The following NDUFS1 variants were observed in gnomAD, a reference collection of about 807,000 sequenced individuals.
NDUFS1 encodes NADH-ubiquinone oxidoreductase 75 kDa subunit, mitochondrial.
NDUFS1 carries 61 observed loss-of-function variants against 84.4 expected under a neutral mutation model. The observed-to-expected ratio is 0.72, with a 90% confidence interval of 0.59 to 0.89. The LOEUF (loss-of-function observed/expected upper bound fraction) is 0.89. Among genes scored for constraint, NDUFS1 ranks in the 40% least tolerant of loss-of-function variants. The pLI, the probability that NDUFS1 is intolerant of heterozygous loss-of-function variation, is 0.00. For synonymous variants in NDUFS1, 275 were observed against 290.0 expected (o/e 0.95, Z 0.53); for missense variants, 891 against 890.0 (o/e 1.00, Z -0.01).
chr2:206,124,575 C>T (rs1691213174), intron 18 of NDUFS1, among the ~76,000 whole-genome samples: 1 of 152,108 alleles, frequency 6.6e-6, no homozygotes, highest in Non-Finnish European at 1.5e-5. Flanking sequence ...CGCGGTGGCT[C>T]ACACCTGTAA....
chr2:206,124,273 G>C lies in NDUFS1; in HGVS notation c.2096C>G (p.Ser699Ter). 1 of 1,604,540 alleles carries C rather than the reference G, an allele frequency of 6.2e-7. No individual in the cohort carries two copies. The highest frequency in any genetic ancestry group is 8.5e-7 in the Non-Finnish European group (1 of 1,171,388). Residue 699 changes from serine (S) to a stop codon, truncating the protein, a stop_gained, in exon 19 of 19, where the codon TCA becomes TGA. Transcript: ENST00000233190. LOFTEE classifies it high-confidence loss of function. ...CATTGTCTGTGAGGCTCTGCTAATT[G>C]AATCTGAAAGATATTAAGAAAATGT... ...LTIKDFYMTD[S>*]ISRASQTMAK...
chr2:206,148,995 AC>A (rs1427135987), intron 5 of NDUFS1, 24 bp downstream of exon 5: 2 of 1,524,702 alleles, frequency 1.3e-6, no homozygotes, highest in Middle Eastern at 1.7e-4. Flanking sequence ...ATGAAAGGGT[AC>A]TACATTGAAT....
chr2:206,134,906 G>A (rs886462395), intron 13 of NDUFS1, among the ~76,000 whole-genome samples: 8 of 152,158 alleles, frequency 5.3e-5, no homozygotes, highest in African/African-American at 1.9e-4. Context: ...AAGCCCAGGA[G>A]TTTGAGGCTA....
At chr2:206,152,292 TTAATA>T in intron 3 of NDUFS1, 122 bp downstream of exon 3, 1 of 735,144 alleles carries the variant, frequency 1.4e-6, no homozygotes, top group Non-Finnish European at 2.3e-6. Flanking sequence ...TGAAATAATT[TTAATA>T]TAACTTTGCT....
chr2:206,124,329 C>T (rs1691199693), intron 18 of NDUFS1, 53 bp from the exon 19 acceptor site: 1 of 1,349,968 alleles, frequency 7.4e-7, no homozygotes. Context: ...TTAAAAAGCA[C>T]ATACTAAAAC....
chr2:206,158,969 A>G, intron 1 of NDUFS1: 3 of 990,536 alleles, frequency 3.0e-6, no homozygotes, highest in Admixed American at 2.3e-5. Context: ...ATCTGGGGGG[A>G]AAGGCTTAGT....
In NDUFS1 at chr2:206,122,002, C is replaced by T. The variant is rs2105937301; in HGVS notation, c.*2183G>A. On this transcript the variant is annotated 3_prime_UTR_variant, in exon 19 of 19. Coordinates refer to ENST00000233190, the MANE Select transcript of NDUFS1 (RefSeq NM_005006.7). ...ATGGGAAGTTTGTATTAAGTTCAAA[C>T]ACTTTTGGCAAGAATTTATACAATT... 6.6e-6 allele frequency: 1 copy of T among 152,286 alleles called. No individual in the cohort carries two copies. Among genetic ancestry groups the T allele is most frequent in the South Asian group, 2.1e-4 (1 of 4,826 alleles). The allele number at this position is 152,286 out of a possible 1,614,324, so 9.4% of individuals were successfully genotyped here.
At chr2:206,152,386 C>T in intron 3 of NDUFS1, 33 bp downstream of exon 3, 1 of 1,533,350 alleles carries the variant, frequency 6.5e-7, no homozygotes. Flanking sequence ...AAAATCAGAA[C>T]ACACACACAA....
intron 18 of NDUFS1, among the ~76,000 whole-genome samples, chr2:206,125,521 A>G (rs1254771109): frequency 2.0e-5 from 3 of 151,624 alleles, no homozygotes; most frequent in Non-Finnish European, 2.9e-5. Flanking sequence ...AATTACATAT[A>G]AATAACAATA....
At position 206,156,527 on chromosome 2, in the gene NDUFS1, A is replaced by C. The variant is rs562289994; in HGVS notation, c.-5+2814T>G. ...GTGTTCAAGGTTACAGTGAGCTACA[A>C]TCATGCCACTGCACTCCAGCCTGGG... is the stretch of plus-strand genomic sequence containing the variant. On this transcript the variant is annotated intron_variant, in intron 1 of 18. Transcript: ENST00000233190. Among the ~76,000 whole-genome samples the C allele has an allele frequency of 3.3e-5, 5 of 152,088 alleles. No homozygotes were observed. In the East Asian group the frequency reaches 7.7e-4, roughly 24 times the overall value.
intron 13 of NDUFS1, 106 bp downstream of exon 13, chr2:206,138,379 C>A: frequency 2.2e-6 from 3 of 1,357,702 alleles, no homozygotes; most frequent in Non-Finnish European, 3.1e-6. Flanking sequence ...CCGCGCCCAA[C>A]CTGGTGTAAG....
chr2:206,133,438 C>G (rs1691591455), intron 13 of NDUFS1, among the ~76,000 whole-genome samples: 2 of 152,184 alleles, frequency 1.3e-5, no homozygotes, highest in South Asian at 4.1e-4. Flanking sequence ...TCCAGAGATT[C>G]AGATGTTAAT....
chr2:206,134,543 T>C (rs372386782), intron 13 of NDUFS1, among the ~76,000 whole-genome samples: 5 of 151,202 alleles, frequency 3.3e-5, no homozygotes, highest in Non-Finnish European at 5.9e-5. Context: ...GACAGCACCA[T>C]TGCACTCCAG....
At position 206,148,137 on chromosome 2, in the gene NDUFS1, CTGGTCTCGAACTCCTGACCTCAA is replaced by C. The variant is rs560236729; in HGVS notation, c.339-326_339-304del. Reference sequence around the variant, plus strand: ...GCAGGGTTTCATCATGTTGGTCAGGCTGGTCTCGAACTCCTGACCTCAAGTGATCCTCCCGCCCTGGCGTCCCA... The same window carrying C: ...GCAGGGTTTCATCATGTTGGTCAGGCGTGATCCTCCCGCCCTGGCGTCCCA... On this transcript the variant is annotated intron_variant, in intron 5 of 18. Transcript: ENST00000233190. Among the ~76,000 whole-genome samples, 40 of 152,240 alleles carry C rather than the reference CTGGTCTCGAACTCCTGACCTCAA, an allele frequency of 2.6e-4. No homozygotes were observed. The South Asian group carries it at 8.1e-3, about 31-fold the overall frequency.
At chr2:206,140,502 T>C (rs746052296) in intron 12 of NDUFS1, among the ~76,000 whole-genome samples, 42 of 152,058 alleles carry the variant, frequency 2.8e-4, no homozygotes, top group Non-Finnish European at 4.9e-4. Flanking sequence ...TTTTTTGAGA[T>C]GGAGTGTTGC....
chr2:206,147,545 A>T lies in NDUFS1; in HGVS notation c.537T>A (p.Cys179Ter). The T allele has an allele frequency of 6.2e-7, 1 of 1,614,190 alleles. No homozygotes were observed. The highest frequency in any genetic ancestry group is 8.5e-7 in the Non-Finnish European group (1 of 1,180,020). Reference sequence around the variant, plus strand: ...AAAAAAGTTACCTGATGCAGCGAGTACACTGTATACATCTTGTCATGATGG... The same window carrying T: ...AAAAAAGTTACCTGATGCAGCGAGTTCACTGTATACATCTTGTCATGATGG... The part of the protein sequence containing the change: ...VKTIMTRCIQ[C>*]TRCIRFASEI... The change falls in exon 7 of 19, where the codon TGT becomes TGA. Residue 179 changes from cysteine (C) to a stop codon, truncating the protein, a stop_gained. Transcript: ENST00000233190. LOFTEE classifies it high-confidence loss of function.
intron 8 of NDUFS1, 85 bp downstream of exon 8, chr2:206,146,817 AC>A: frequency 7.5e-7 from 1 of 1,326,012 alleles, no homozygotes; most frequent in Non-Finnish European, 1.1e-6. Context: ...AACAACTGAA[AC>A]CCAGGAAGAA....
Position 206,138,568 on chromosome 2 carries a change from C to A in NDUFS1, c.1309G>T (p.Asp437Tyr), listed in dbSNP as rs1455373742. ...AGGTGGTCATATGTGTAAGTGAGGT[C>A]CACTGGACTGCCTATAAGGGCCACT... Reference protein sequence around the residue: ...LKVALIGSPVDLTYTYDHLGD... With the variant: ...LKVALIGSPVYLTYTYDHLGD... The change falls in exon 13 of 19, where the codon GAC (aspartate) becomes TAC (tyrosine). Residue 437 changes from aspartate to tyrosine, a missense_variant. Transcript: ENST00000233190. 1 of 1,613,900 alleles carries A rather than the reference C, an allele frequency of 6.2e-7. No homozygotes were observed. The highest frequency in any genetic ancestry group is 1.3e-5 in the African/African-American group (1 of 75,018).
At position 206,147,665 on chromosome 2, in the gene NDUFS1, A is replaced by C. The variant is rs1692210730; in HGVS notation, c.421-4T>G. The C allele has an allele frequency of 2.5e-6, 4 of 1,614,132 alleles. No homozygotes were observed. Among genetic ancestry groups the C allele is most frequent in the Non-Finnish European group, 3.4e-6 (4 of 1,180,024 alleles). The stretch of plus-strand genomic sequence containing the variant: ...TTCCAAACATCATGGACTGGTCCTT[A>C]AGTAGATTATGAAAGAGTCAATCTC... On this transcript the variant is annotated splice_polypyrimidine_tract_variant and splice_region_variant and intron_variant, in intron 6 of 18. Transcript: ENST00000233190.
Sources: gnomAD v4.1 joint callset for allele counts (sites outside exome capture counted in the v4.1 genomes callset) on GRCh38, gnomAD v4.1.1 for gene constraint, MANE v1.5 for transcripts, NCBI Gene and HGNC (gene_info 2026-07-23, HGNC 2026-07-21) for gene names.